Variants in CHD1L observed in about 807,000 individuals in gnomAD.
The protein encoded by CHD1L is chromodomain helicase DNA binding protein 1 like.
In CHD1L, 118 loss-of-function variants were observed where a neutral mutation model predicts 115.9. The observed-to-expected ratio is 1.02, with a 90% CI of 0.88 to 1.19. CHD1L has a LOEUF of 1.19. Ranked by LOEUF, CHD1L falls within the 50% of genes most tolerant of loss-of-function variation. The pLI is 0.00. For missense variants in CHD1L, 1,179 were observed against 1,065.3 expected, an observed-to-expected ratio of 1.11 and a Z score of -1.49; for synonymous variants, 411 against 387.1, an observed-to-expected ratio of 1.06 and a Z score of -0.72.
Position 147,264,705 on chromosome 1 carries a change from C to G in CHD1L, c.739+121C>G. ...GACCAGAGGACACCTTCCAGGGAGACAGACCGCTGATATTAGGGAGATGTT... is the reference window on the plus strand; with the variant it reads ...GACCAGAGGACACCTTCCAGGGAGAGAGACCGCTGATATTAGGGAGATGTT... On this transcript the variant is annotated intron_variant, in intron 7 of 22. Transcript: ENST00000369258. The G allele has an allele frequency of 3.1e-6, 3 of 972,986 alleles. No individual in the cohort carries two copies. In the South Asian group the frequency reaches 5.2e-5, roughly 17 times the overall value. The allele number at this position is 972,986 out of a possible 1,614,324, so 60.3% of individuals were successfully genotyped here.
At chr1:147,174,048 G>A in the CHD1L span, among the ~76,000 whole-genome samples, 1 of 152,036 alleles carries the variant, frequency 6.6e-6, no homozygotes, top group African/African-American at 2.4e-5. Context: ...TTGCTGAAAC[G>A]TTCATTTTTA....
At chr1:147,192,172 C>T in the CHD1L span, among the ~76,000 whole-genome samples, 16 of 152,008 alleles carry the variant, frequency 1.1e-4, no homozygotes, top group Non-Finnish European at 2.2e-4. Flanking sequence ...TTCTTTGTAT[C>T]CTCTTTTATT....
intron 1 of CHD1L, among the ~76,000 whole-genome samples, chr1:147,246,763 T>A (rs1199283480): frequency 1.3e-5 from 2 of 152,208 alleles, no homozygotes; most frequent in African/African-American, 4.8e-5. Context: ...TGACATACTC[T>A]AGTCTTTATA....
At chr1:147,245,055 T>G (rs587710730) in intron 1 of CHD1L, among the ~76,000 whole-genome samples, 17 of 152,324 alleles carry the variant, frequency 1.1e-4, no homozygotes, top group African/African-American at 3.8e-4. Context: ...GATCATGAAG[T>G]TACCTTAGGA....
At chr1:147,215,452 T>C in the CHD1L span, 1 of 277,172 alleles carries the variant, frequency 3.6e-6, no homozygotes. Context: ...AGTTCCCTTC[T>C]GTAATGGGGA....
chr1:147,186,637 A>G, the CHD1L span: 2 of 1,248,602 alleles, frequency 1.6e-6, no homozygotes, highest in Non-Finnish European at 2.0e-6. Flanking sequence ...AAAGACATAC[A>G]AAGATGACTA....
At chr1:147,270,807 C>T (rs587608707) in intron 10 of CHD1L, 125 bp from the exon 11 acceptor site, 175 of 748,118 alleles carry the variant, frequency 2.3e-4, no homozygotes, top group African/African-American at 1.3e-3. Context: ...ATAAATCATA[C>T]GACACTTATA....
At chr1:147,256,112 A>T (rs1385155361) in intron 4 of CHD1L, among the ~76,000 whole-genome samples, 185 bp downstream of exon 4, 1 of 152,144 alleles carries the variant, frequency 6.6e-6, no homozygotes, top group Non-Finnish European at 1.5e-5. Context: ...GCTTCAGATT[A>T]GTTCGATCTT....
chr1:147,184,440 G>A, the CHD1L span: 1 of 1,388,388 alleles, frequency 7.2e-7, no homozygotes, highest in Non-Finnish European at 9.4e-7. The surrounding 1 kb of genome is among the most constrained non-coding windows in gnomAD (Gnocchi z 4.4). Context: ...TTTACTTAAA[G>A]TTCTTTTTCT....
the CHD1L span, chr1:147,204,625 ATGTT>A: frequency 3.1e-6 from 5 of 1,590,884 alleles, no homozygotes; most frequent in Non-Finnish European, 3.4e-6. Context: ...TACCAGAACA[ATGTT>A]TGTGCCATCT....
Position 147,288,341 on chromosome 1 carries a change from A to G in CHD1L, c.2320+608A>G, listed in dbSNP as rs1189903420. ...CTGTTTCAATAAAAAAAAAAAAAAAAAAAAAGAAAAAGAGAACTATTGGAA... is the reference window on the plus strand; with the variant it reads ...CTGTTTCAATAAAAAAAAAAAAAAAGAAAAAGAAAAAGAGAACTATTGGAA... On this transcript the variant is annotated intron_variant, in intron 19 of 22. Transcript: ENST00000369258. Among the ~76,000 whole-genome samples the G allele has an allele frequency of 0.013, 48 of 3,790 alleles. 1 individual carries two copies. In the South Asian group the frequency reaches 0.17, roughly 13 times the overall value. The allele number at this position is 3,790 out of a possible 152,430, so 2.5% of individuals were successfully genotyped here.
At chr1:147,218,054 T>C in the CHD1L span, among the ~76,000 whole-genome samples, 1 of 152,210 alleles carries the variant, frequency 6.6e-6, no homozygotes, top group Non-Finnish European at 1.5e-5. Context: ...TCAACATTTA[T>C]CTCAAAAAGA....
chr1:147,178,344 A>C, the CHD1L span: 14 of 1,612,372 alleles, frequency 8.7e-6, no homozygotes, highest in Admixed American at 2.2e-4. Context: ...TAAAAGGAAT[A>C]GTCCCATTAG....
the CHD1L span, chr1:147,203,390 C>A: frequency 2.9e-6 from 3 of 1,029,264 alleles, no homozygotes; most frequent in East Asian, 2.4e-5. Flanking sequence ...GCATTAGCAG[C>A]GAGTTTGATA....
chr1:147,234,955 A>G, the CHD1L span, among the ~76,000 whole-genome samples: 1 of 152,214 alleles, frequency 6.6e-6, no homozygotes, highest in Non-Finnish European at 1.5e-5. Context: ...TCTTCCTATT[A>G]GGAAGCACTG....
chr1:147,270,330 G>A (rs1675647099), intron 10 of CHD1L, among the ~76,000 whole-genome samples: 2 of 151,870 alleles, frequency 1.3e-5, no homozygotes, highest in Admixed American at 1.3e-4. Context: ...CCCTCCTCTC[G>A]CTATACAAAA....
intron 15 of CHD1L, among the ~76,000 whole-genome samples, chr1:147,282,223 A>G (rs1553962400): frequency 1.3e-5 from 2 of 152,132 alleles, no homozygotes; most frequent in Non-Finnish European, 2.9e-5. Context: ...TCTCTGATCC[A>G]TATTTGATGT....
intron 15 of CHD1L, among the ~76,000 whole-genome samples, chr1:147,281,783 A>G (rs1680945375): frequency 6.6e-6 from 1 of 151,556 alleles, no homozygotes; most frequent in African/African-American, 2.4e-5. Flanking sequence ...TTTTACTTCT[A>G]CTTCTTTAAA....
chr1:147,182,888 C>T, the CHD1L span, among the ~76,000 whole-genome samples: 1 of 152,078 alleles, frequency 6.6e-6, no homozygotes, highest in Non-Finnish European at 1.5e-5. Flanking sequence ...GTGTTTTAAA[C>T]CACAACTAAA....
Sources: gnomAD v4.1 joint callset for allele counts (sites outside exome capture counted in the v4.1 genomes callset) on GRCh38, gnomAD v4.1.1 for gene constraint, Gnocchi (gnomAD v3.1) non-coding constraint, MANE v1.5 for transcripts, NCBI Gene and HGNC (gene_info 2026-07-23, HGNC 2026-07-21) for gene names.